Variants in KCNIP4 observed in about 807,000 individuals in gnomAD.
KCNIP4 encodes potassium voltage-gated channel interacting protein 4.
KCNIP4 carries 12 observed loss-of-function variants against 34.0 expected under a neutral mutation model. The ratio of observed to expected loss-of-function variants is 0.35; its 90% CI spans 0.23 to 0.57. KCNIP4 has a LOEUF of 0.57. Among genes scored for constraint, KCNIP4 ranks in the 20% least tolerant of loss-of-function variants. KCNIP4 has a pLI of 0.83. For synonymous variants in KCNIP4, 124 were observed against 102.2 expected (o/e 1.21, Z -1.29); for missense variants, 238 against 311.7 (o/e 0.76, Z 1.78).
chr4:20,813,388 G>C (rs1238880375), intron 3 of KCNIP4, among the ~76,000 whole-genome samples: 1 of 152,112 alleles, frequency 6.6e-6, no homozygotes, highest in Non-Finnish European at 1.5e-5. Context: ...TGTCATTGAG[G>C]GGAGCAAGGG....
At chr4:20,971,504 A>T (rs1734948926) in intron 1 of KCNIP4, among the ~76,000 whole-genome samples, 1 of 152,156 alleles carries the variant, frequency 6.6e-6, no homozygotes, top group Admixed American at 6.5e-5. Context: ...TCCTGTGAAT[A>T]TAAATGTTTA....
At chr4:21,043,057 G>A (rs1298177296) in intron 1 of KCNIP4, among the ~76,000 whole-genome samples, 2 of 152,138 alleles carry the variant, frequency 1.3e-5, no homozygotes, top group East Asian at 1.9e-4. Flanking sequence ...CTACCTGGAG[G>A]AACATTCCAT....
chr4:21,560,814 A>T (rs1391631990), intron 1 of KCNIP4, among the ~76,000 whole-genome samples: 2 of 152,034 alleles, frequency 1.3e-5, no homozygotes, highest in African/African-American at 4.8e-5. Context: ...AGCAAACTTT[A>T]ATTTCTGTAA....
At chr4:21,303,057 A>G (rs920662313) in intron 1 of KCNIP4, among the ~76,000 whole-genome samples, 3 of 152,228 alleles carry the variant, frequency 2.0e-5, no homozygotes, top group Non-Finnish European at 1.5e-5. Context: ...TTAGAAAATT[A>G]TAATGTAAAT....
chr4:20,794,471 T>G (rs1182579573), intron 3 of KCNIP4, among the ~76,000 whole-genome samples: 3 of 152,168 alleles, frequency 2.0e-5, no homozygotes, highest in Non-Finnish European at 4.4e-5. Context: ...TAATTATACC[T>G]CAATAAACTT....
intron 1 of KCNIP4, among the ~76,000 whole-genome samples, chr4:21,635,369 C>A (rs78276309): frequency 2.0e-5 from 3 of 152,236 alleles, no homozygotes; most frequent in East Asian, 3.9e-4. Context: ...AGAAGGATGG[C>A]GACTACAAAG....
chr4:21,582,352 C>T (rs1243952952), intron 1 of KCNIP4: 1 of 151,770 alleles, frequency 6.6e-6, no homozygotes, highest in Non-Finnish European at 1.5e-5. Context: ...ATGCATTTTG[C>T]CTTCCTTTTG....
At chr4:21,941,230 A>T (rs1246993530) in intron 1 of KCNIP4, among the ~76,000 whole-genome samples, 1 of 152,158 alleles carries the variant, frequency 6.6e-6, no homozygotes, top group Non-Finnish European at 1.5e-5. Flanking sequence ...TAAAAAACAA[A>T]ATAATAAGAT....
intron 1 of KCNIP4, among the ~76,000 whole-genome samples, chr4:21,856,220 TG>T (rs998560147): frequency 6.6e-6 from 1 of 152,210 alleles, no homozygotes; most frequent in Non-Finnish European, 1.5e-5. Context: ...GGAGACCGTG[TG>T]GACTCTACTC....
At chr4:21,878,098 A>C (rs1415977015) in intron 1 of KCNIP4, among the ~76,000 whole-genome samples, 1 of 152,080 alleles carries the variant, frequency 6.6e-6, no homozygotes, top group Non-Finnish European at 1.5e-5. Flanking sequence ...CCCAGGCTGG[A>C]GTGCAGTGGC....
intron 1 of KCNIP4, among the ~76,000 whole-genome samples, chr4:21,828,209 C>T (rs187237): frequency 0.98 from 148,064 of 151,426 alleles, 72,478 homozygotes; most frequent in South Asian, 1. Flanking sequence ...TAAAATAATA[C>T]ATAACAATTG....
At chr4:20,926,329 A>G (rs1481278968) in intron 1 of KCNIP4, among the ~76,000 whole-genome samples, 1 of 152,240 alleles carries the variant, frequency 6.6e-6, no homozygotes, top group Non-Finnish European at 1.5e-5. Flanking sequence ...AGGTGCAGGA[A>G]TAGAATGCAA....
intron 1 of KCNIP4, among the ~76,000 whole-genome samples, chr4:21,643,584 A>G (rs146327334): frequency 1.3e-5 from 2 of 152,274 alleles, no homozygotes; most frequent in African/African-American, 4.8e-5. Flanking sequence ...TATTTTTTAG[A>G]TGAGATTAAC....
At chr4:20,906,877 G>A (rs1727824429) in intron 1 of KCNIP4, among the ~76,000 whole-genome samples, 1 of 152,176 alleles carries the variant, frequency 6.6e-6, no homozygotes, top group South Asian at 2.1e-4. Flanking sequence ...GAATGAGGAA[G>A]GAACCATTCA....
At chr4:21,389,048 A>G (rs1218865200) in intron 1 of KCNIP4, among the ~76,000 whole-genome samples, 1 of 151,898 alleles carries the variant, frequency 6.6e-6, no homozygotes, top group Non-Finnish European at 1.5e-5. Context: ...TCAGTGGCAC[A>G]ATCAAGGCTC....
intron 1 of KCNIP4, among the ~76,000 whole-genome samples, chr4:21,787,195 A>G (rs1307491080): frequency 6.6e-6 from 1 of 152,234 alleles, no homozygotes; most frequent in African/African-American, 2.4e-5. Context: ...CTATGTGTAC[A>G]TGGTGCATAT....
intron 1 of KCNIP4, among the ~76,000 whole-genome samples, chr4:21,251,442 TATC>T (rs1760691883): frequency 6.6e-6 from 1 of 152,198 alleles, no homozygotes; most frequent in African/African-American, 2.4e-5. Context: ...GTGGCCCTCA[TATC>T]ATGTTAAGGT....
At chr4:21,416,800 T>C (rs533298016) in intron 1 of KCNIP4, among the ~76,000 whole-genome samples, 2 of 152,306 alleles carry the variant, frequency 1.3e-5, no homozygotes, top group Non-Finnish European at 2.9e-5. Flanking sequence ...CATGGGACTA[T>C]ATGTCAGTCA....
intron 1 of KCNIP4, among the ~76,000 whole-genome samples, chr4:21,124,822 T>C (rs1036102853): frequency 6.6e-6 from 1 of 152,098 alleles, no homozygotes; most frequent in Admixed American, 6.6e-5. Context: ...TTTTTATTTA[T>C]TTTTCCTCTC....
Sources: gnomAD v4.1 joint callset for allele counts (sites outside exome capture counted in the v4.1 genomes callset) on GRCh38, gnomAD v4.1.1 for gene constraint, MANE v1.5 for transcripts, NCBI Gene and HGNC (gene_info 2026-07-23, HGNC 2026-07-21) for gene names.